BATF2: variants seen among roughly 807,000 people sequenced by gnomAD.
BATF2 encodes the protein basic leucine zipper transcriptional factor ATF-like 2.
A neutral mutation model predicts 7.3 loss-of-function variants in BATF2; 4 were observed. The observed-to-expected ratio is 0.55, with a 90% CI of 0.27 to 1.26. The LOEUF (loss-of-function observed/expected upper bound fraction) is 1.26, where lower values mean the gene tolerates loss of function less well. Ranked by LOEUF, BATF2 falls within the 50% of genes most tolerant of loss-of-function variation. The pLI is 0.11. For missense variants in BATF2, 295 were observed against 340.5 expected, an observed-to-expected ratio of 0.87 and a Z score of 1.05; for synonymous variants, 152 against 153.9, an observed-to-expected ratio of 0.99 and a Z score of 0.09.
chr11:64,989,699 G>A lies in BATF2; in HGVS notation c.255C>T (p.Pro85=), dbSNP rs754183538. The part of the protein sequence containing the change: ...RTLHVHERLC[P]MDCASCSAPG... Reference sequence around the variant, plus strand: ...GAGCTGAGCAGGAGGCACAATCCATGGGGCACAGGCGCTCATGCACGTGCA... The same window carrying A: ...GAGCTGAGCAGGAGGCACAATCCATAGGGCACAGGCGCTCATGCACGTGCA... Residue 85 remains proline, a synonymous_variant, in exon 3 of 3, where the codon CCC becomes CCT. Transcript: ENST00000301887. This position sits in a 1 kb window ranked among gnomAD's most constrained non-coding sequence, Gnocchi z 4.3. The A allele has an allele frequency of 9.9e-6, 16 of 1,613,796 alleles. No homozygotes were observed. The East Asian group carries it at 3.3e-4, about 34-fold the overall frequency.
chr11:64,990,012 G>A, intron 2 of BATF2, 200 bp from the exon 3 acceptor site: 1 of 1,532,668 alleles, frequency 6.5e-7, no homozygotes, highest in Non-Finnish European at 8.8e-7. Context: ...CCCTCTGAAG[G>A]GGGCTCAGAT....
At chr11:64,994,939 C>T (rs1435266070) in intron 1 of BATF2, among the ~76,000 whole-genome samples, 3 of 152,080 alleles carry the variant, frequency 2.0e-5, no homozygotes, top group African/African-American at 7.2e-5. Context: ...AACTCTGACT[C>T]CCGGGTTCAA....
chr11:64,989,495 CA>C lies in BATF2; in HGVS notation c.458del (p.Leu153ArgfsTer157). 4 of 1,607,476 alleles carry C rather than the reference CA, an allele frequency of 2.5e-6. No homozygotes were observed. Among genetic ancestry groups the C allele is most frequent in the Non-Finnish European group, 3.4e-6 (4 of 1,176,914 alleles). ...CAGCGGGGCCAAGGGACAGTGAGGG[CA>C]GGGGGCACTGGAGGAGGCTGGGAGA... is the stretch of plus-strand genomic sequence containing the variant. ...HDSPSLLQCP[L>X]PSLSLGPAVV... On this transcript the variant is annotated frameshift_variant, in exon 3 of 3. Coordinates refer to ENST00000301887, the MANE Select transcript of BATF2 (RefSeq NM_138456.4). LOFTEE classifies it low-confidence loss of function (END_TRUNC). This position sits in a 1 kb window ranked among gnomAD's most constrained non-coding sequence, Gnocchi z 4.3.
At chr11:64,994,418 A>G in intron 2 of BATF2, 30 bp downstream of exon 2, 1 of 1,551,446 alleles carries the variant, frequency 6.4e-7, no homozygotes, top group Non-Finnish European at 8.7e-7. Flanking sequence ...GGAGCCAGAG[A>G]CAAGGAAAGG....
chr11:64,992,584 G>T (rs906858838), intron 2 of BATF2, among the ~76,000 whole-genome samples: 7 of 152,102 alleles, frequency 4.6e-5, no homozygotes, highest in Non-Finnish European at 1.0e-4. Context: ...AAGGAGGCTG[G>T]GAGCGGTGGC....
rs1348508064 is a variant in BATF2 at position 64,990,391 on chromosome 11, C to T, written c.142-579G>A. On this transcript the variant is annotated intron_variant, in intron 2 of 2. Coordinates refer to ENST00000301887, the MANE Select transcript of BATF2 (RefSeq NM_138456.4). ...TGTGCAAATCCCAACAGGGCCTTCC[C>T]GTGGCAACCTTGATGTCATTCTGTC... 11 of 1,410,044 alleles carry T rather than the reference C, an allele frequency of 7.8e-6. No homozygotes were observed. In the East Asian group the frequency reaches 1.1e-4, roughly 14 times the overall value. 87.3% of individuals were successfully genotyped at this position (1,410,044 alleles called of 1,614,324 possible).
In BATF2 at chr11:64,988,746, C is replaced by T. The variant is rs1194608419; in HGVS notation, c.*383G>A. 7.5e-6 allele frequency: 2 copies of T among 267,006 alleles called. No homozygotes were observed. The highest frequency in any genetic ancestry group is 7.3e-6 in the Non-Finnish European group (1 of 136,396). The allele number at this position is 267,006 out of a possible 1,614,324, so 16.5% of individuals were successfully genotyped here. On this transcript the variant is annotated 3_prime_UTR_variant, in exon 3 of 3. Transcript: ENST00000301887. ...GCATGCAAACCTTCTCACACCAGCC[C>T]ACGGTTTCCAGGATTTCAGCCCCTA...
chr11:64,988,944 A>G lies in BATF2; in HGVS notation c.*185T>C. The G allele has an allele frequency of 1.6e-6, 1 of 616,462 alleles. No individual in the cohort carries two copies. Among genetic ancestry groups the G allele is most frequent in the Non-Finnish European group, 2.9e-6 (1 of 342,576 alleles). The allele number at this position is 616,462 out of a possible 1,614,324, so 38.2% of individuals were successfully genotyped here. On this transcript the variant is annotated 3_prime_UTR_variant, in exon 3 of 3. Transcript: ENST00000301887. ...AGGTCAACTGTGAGGTTGAAATAAG[A>G]TATTGGTGGTGACAGGGCCTGTCAC... is the stretch of plus-strand genomic sequence containing the variant.
At chr11:64,991,533 G>C (rs979677811) in intron 2 of BATF2, among the ~76,000 whole-genome samples, 1 of 152,160 alleles carries the variant, frequency 6.6e-6, no homozygotes, top group African/African-American at 2.4e-5. Context: ...TCACCTCCAG[G>C]AACGGAGTCA....
chr11:64,989,762 C>G lies in BATF2; in HGVS notation c.192G>C (p.Gln64His), dbSNP rs977471241. 2 of 1,614,002 alleles carry G rather than the reference C, an allele frequency of 1.2e-6. No homozygotes were observed. ...ACCACGCCAGCTCGGCCTGCAGGGACTGGATCTCCTTCCGCAGGGCGAGGT... is the reference window on the plus strand; with the variant it reads ...ACCACGCCAGCTCGGCCTGCAGGGAGTGGATCTCCTTCCGCAGGGCGAGGT... ...KDNLALRKEI[Q>H]SLQAELAWWS... The change falls in exon 3 of 3, where the codon CAG becomes CAC. Residue 64 changes from glutamine to histidine, a missense_variant. Gln to His is a conservative substitution (Grantham distance 24). Coordinates refer to ENST00000301887, the MANE Select transcript of BATF2 (RefSeq NM_138456.4). This position sits in a 1 kb window ranked among gnomAD's most constrained non-coding sequence, Gnocchi z 4.3.
chr11:64,992,026 TTTGTTG>T (rs531151977), intron 2 of BATF2, among the ~76,000 whole-genome samples: 1 of 151,906 alleles, frequency 6.6e-6, no homozygotes, highest in South Asian at 2.1e-4. Context: ...ATCGCCTTTT[TTTGTTG>T]TTGTTGTTGT....
intron 1 of BATF2, 139 bp downstream of exon 1, chr11:64,996,737 C>A (rs1946112873): frequency 6.0e-6 from 6 of 993,960 alleles, no homozygotes; most frequent in Admixed American, 2.7e-5. Flanking sequence ...CAGAGAGGGG[C>A]ATGCAGAGCC....
At chr11:64,993,257 G>A (rs1294419257) in intron 2 of BATF2, among the ~76,000 whole-genome samples, 2 of 152,176 alleles carry the variant, frequency 1.3e-5, no homozygotes, top group Admixed American at 6.6e-5. Flanking sequence ...CTACTCAGGA[G>A]GCTGAGGCAG....
chr11:64,995,370 G>A (rs1946103311), intron 1 of BATF2, among the ~76,000 whole-genome samples: 1 of 152,210 alleles, frequency 6.6e-6, no homozygotes, highest in African/African-American at 2.4e-5. Context: ...CTCATGCCCA[G>A]CTCAAGCCCA....
chr11:64,991,192 T>G (rs2136877084), intron 2 of BATF2, among the ~76,000 whole-genome samples: 1 of 148,356 alleles, frequency 6.7e-6, no homozygotes, highest in South Asian at 2.1e-4. Context: ...AGTTTTGCTC[T>G]GTCGCCCAGG....
intron 2 of BATF2, among the ~76,000 whole-genome samples, chr11:64,992,658 C>T (rs1356393402): frequency 1.3e-5 from 2 of 150,994 alleles, no homozygotes; most frequent in Non-Finnish European, 3.0e-5. Flanking sequence ...TCCAGGAGTT[C>T]AAGACCAGCC....
Position 64,989,612 on chromosome 11 carries a change from T to C in BATF2, c.342A>G (p.Gln114=), listed in dbSNP as rs1173587591. 13 of 1,609,442 alleles carry C rather than the reference T, an allele frequency of 8.1e-6. No homozygotes were observed. The South Asian group carries it at 1.1e-4, about 14-fold the overall frequency. The part of the protein sequence containing the change: ...EGLLGPGPQG[Q]HGCREQLELF... The stretch of plus-strand genomic sequence containing the variant: ...GCTCCAGCTGCTCCCGGCAGCCATG[T>C]TGTCCCTGTGGGCCAGGGCCCAGGA... Residue 114 remains glutamine, a synonymous_variant, in exon 3 of 3, where the codon CAA becomes CAG. Coordinates refer to ENST00000301887, the MANE Select transcript of BATF2 (RefSeq NM_138456.4). The surrounding 1 kb of genome is among the most constrained non-coding windows in gnomAD (Gnocchi z 4.3).
At chr11:64,991,455 G>A (rs550494641) in intron 2 of BATF2, among the ~76,000 whole-genome samples, 12 of 152,056 alleles carry the variant, frequency 7.9e-5, no homozygotes, top group Admixed American at 4.6e-4. Context: ...GTGCCTGGCC[G>A]GAATGATGGA....
At chr11:64,991,041 C>A (rs1483016003) in intron 2 of BATF2, among the ~76,000 whole-genome samples, 1 of 151,358 alleles carries the variant, frequency 6.6e-6, no homozygotes, top group Non-Finnish European at 1.5e-5. Context: ...CTGCCTGCCT[C>A]GGCCTCCCAA....
Sources: gnomAD v4.1 joint callset for allele counts (sites outside exome capture counted in the v4.1 genomes callset) on GRCh38, gnomAD v4.1.1 for gene constraint, Gnocchi (gnomAD v3.1) non-coding constraint, MANE v1.5 for transcripts, NCBI Gene and HGNC (gene_info 2026-07-23, HGNC 2026-07-21) for gene names.